DIAPH3: variants seen among roughly 807,000 people sequenced by gnomAD.
The protein encoded by DIAPH3 is protein diaphanous homolog 3.
A neutral mutation model predicts 144.3 loss-of-function variants in DIAPH3; 117 were observed. The ratio of observed to expected loss-of-function variants is 0.81; its 90% CI spans 0.70 to 0.95. The LOEUF is 0.95. DIAPH3 is among the 40% of genes least tolerant of loss of function. The pLI is 0.00. For missense variants in DIAPH3, 1,421 were observed against 1,412.7 expected (o/e 1.01, Z -0.09); for synonymous variants, 519 against 488.9 (o/e 1.06, Z -0.81).
intron 17 of DIAPH3, among the ~76,000 whole-genome samples, chr13:59,958,382 T>A (rs937715788): frequency 3.3e-5 from 5 of 152,146 alleles, no homozygotes; most frequent in African/African-American, 1.2e-4. Context: ...CAATCTGTGT[T>A]TTAAAATAAA....
intron 24 of DIAPH3, among the ~76,000 whole-genome samples, chr13:59,826,341 T>C (rs2041418865): frequency 7.9e-6 from 1 of 126,052 alleles, no homozygotes; most frequent in Non-Finnish European, 1.7e-5. Context: ...AGTCTCAGGA[T>C]ACAAAATCAA....
chr13:59,953,176 A>G (rs1183219953), intron 17 of DIAPH3, among the ~76,000 whole-genome samples: 1 of 152,166 alleles, frequency 6.6e-6, no homozygotes, highest in Non-Finnish European at 1.5e-5. Flanking sequence ...TAAGGGGCTC[A>G]TGGAGCACAT....
intron 12 of DIAPH3, among the ~76,000 whole-genome samples, chr13:59,989,453 G>T (rs1378249814): frequency 6.6e-6 from 1 of 151,656 alleles, no homozygotes; most frequent in East Asian, 1.9e-4. Flanking sequence ...GGAAACATGA[G>T]GAAAAAACTG....
intron 15 of DIAPH3, among the ~76,000 whole-genome samples, chr13:59,972,211 C>A (rs754317443): frequency 3.9e-4 from 60 of 152,162 alleles, no homozygotes; most frequent in Non-Finnish European, 8.1e-4. Flanking sequence ...GAAGAGAGCA[C>A]CACCTAAAAG....
chr13:59,766,058 C>G (rs1033000072), intron 27 of DIAPH3, among the ~76,000 whole-genome samples: 1 of 152,168 alleles, frequency 6.6e-6, no homozygotes, highest in African/African-American at 2.4e-5. Flanking sequence ...GTAACTACTA[C>G]AGTTTTCAAA....
chr13:59,713,982 G>A (rs1040563386), intron 27 of DIAPH3, among the ~76,000 whole-genome samples: 5 of 152,200 alleles, frequency 3.3e-5, no homozygotes, highest in Admixed American at 1.3e-4. Flanking sequence ...TTGGGAGGCT[G>A]AGGCAGGAGG....
At chr13:59,916,290 T>A (rs768186246) in intron 18 of DIAPH3, 41 bp from the exon 19 acceptor site, 1 of 1,453,058 alleles carries the variant, frequency 6.9e-7, no homozygotes, top group South Asian at 1.1e-5. Context: ...ATGAATAAGG[T>A]TTAAAAAAGT....
At chr13:60,055,450 G>A (rs2056518112) in intron 4 of DIAPH3, among the ~76,000 whole-genome samples, 1 of 151,858 alleles carries the variant, frequency 6.6e-6, no homozygotes, top group African/African-American at 2.4e-5. Context: ...ATACTCCAGT[G>A]TTATAACACT....
At chr13:59,874,161 T>TA (rs1490943736) in intron 21 of DIAPH3, among the ~76,000 whole-genome samples, 2 of 152,172 alleles carry the variant, frequency 1.3e-5, no homozygotes, top group Non-Finnish European at 1.5e-5. Context: ...GAAAATCACC[T>TA]AGGAAGTAGC....
At chr13:60,121,234 GTTTT>G (rs199826464) in intron 2 of DIAPH3, among the ~76,000 whole-genome samples, 1 of 149,098 alleles carries the variant, frequency 6.7e-6, no homozygotes, top group Admixed American at 6.7e-5. Flanking sequence ...ATGCTGATAG[GTTTT>G]TTTTTTCCTA....
intron 1 of DIAPH3, among the ~76,000 whole-genome samples, chr13:60,160,428 TGG>T (rs1952238554): frequency 2.0e-5 from 3 of 152,214 alleles, no homozygotes; most frequent in Non-Finnish European, 4.4e-5. Context: ...TCCCTTTGAA[TGG>T]ACTGACCTAC....
intron 4 of DIAPH3, among the ~76,000 whole-genome samples, chr13:60,077,413 A>G (rs911744325): frequency 6.6e-6 from 1 of 152,122 alleles, no homozygotes; most frequent in African/African-American, 2.4e-5. Flanking sequence ...TAAATTAAGG[A>G]AAATCAAAAT....
chr13:59,937,702 CA>C (rs1173972574), intron 17 of DIAPH3, among the ~76,000 whole-genome samples: 1 of 152,074 alleles, frequency 6.6e-6, no homozygotes, highest in Non-Finnish European at 1.5e-5. Flanking sequence ...AATTGACTGA[CA>C]GCAAAATGGT....
chr13:59,930,011 T>C (rs1408095813), intron 17 of DIAPH3, among the ~76,000 whole-genome samples: 1 of 152,214 alleles, frequency 6.6e-6, no homozygotes, highest in African/African-American at 2.4e-5. Flanking sequence ...AACTTCCTTA[T>C]CATAAACATG....
chr13:59,871,831 A>G (rs2044298155), intron 21 of DIAPH3, among the ~76,000 whole-genome samples: 1 of 152,176 alleles, frequency 6.6e-6, no homozygotes, highest in African/African-American at 2.4e-5. Flanking sequence ...GGTAGATGGC[A>G]TCTATCAAGG....
intron 17 of DIAPH3, among the ~76,000 whole-genome samples, chr13:59,927,596 T>C (rs2047816377): frequency 6.6e-6 from 1 of 152,172 alleles, no homozygotes; most frequent in Non-Finnish European, 1.5e-5. Context: ...TCCCTCAGTG[T>C]TTGATTGGCT....
intron 24 of DIAPH3, among the ~76,000 whole-genome samples, chr13:59,825,241 T>C (rs1242267843): frequency 1.3e-5 from 2 of 152,018 alleles, no homozygotes; most frequent in Admixed American, 6.6e-5. Flanking sequence ...CCTGTGTCCA[T>C]GTGTTCTCAT....
intron 20 of DIAPH3, among the ~76,000 whole-genome samples, chr13:59,899,848 T>A (rs1208742721): frequency 6.6e-6 from 1 of 150,752 alleles, no homozygotes; most frequent in Non-Finnish European, 1.5e-5. Context: ...GAGATCAATA[T>A]AAGTCACAGT....
chr13:59,988,924 A>G (rs2051615243), intron 12 of DIAPH3, among the ~76,000 whole-genome samples: 1 of 151,796 alleles, frequency 6.6e-6, no homozygotes, highest in South Asian at 2.1e-4. Flanking sequence ...TGCCTTTGAC[A>G]TATATTCTCC....
Sources: allele counts gnomAD v4.1 joint callset (sites outside exome capture counted in the v4.1 genomes callset), GRCh38; gene constraint gnomAD v4.1.1; transcripts MANE v1.5; gene names NCBI Gene and HGNC (gene_info 2026-07-23, HGNC 2026-07-21).